IL2RG: variants seen among roughly 807,000 people sequenced by gnomAD.
The protein encoded by IL2RG is cytokine receptor common subunit gamma.
For synonymous variants in IL2RG, 111 were observed against 108.5 expected (o/e 1.02, Z -0.15); for missense variants, 205 against 272.9 (o/e 0.75, Z 1.75).
At position 71,107,631 on chromosome X, in the gene IL2RG, A is replaced by G. The variant is rs1275900140; in HGVS notation, c.*105T>C. 2 of 549,362 alleles carry G rather than the reference A, an allele frequency of 3.6e-6. No individual in the cohort carries two copies. Among genetic ancestry groups the G allele is most frequent in the Non-Finnish European group, 5.3e-6 (2 of 375,659 alleles). The allele number at this position is 549,362 out of a possible 1,213,427, so 45.3% of individuals were successfully genotyped here. On this transcript the variant is annotated 3_prime_UTR_variant, in exon 8 of 8. Transcript: ENST00000374202. ...GGGGGCACAAAATTCCAAATCAGCC[A>G]CAGTGGGGTGAGGTGAGTATGAGAC...
At chrX:71,110,765 T>C in intron 2 of IL2RG, 77 bp from the exon 3 acceptor site, 1 of 1,089,139 alleles carries the variant, frequency 9.2e-7, no homozygotes, top group Non-Finnish European at 1.3e-6. Context: ...CCTAGCCTCA[T>C]CTCCCCTCAA....
intron 2 of IL2RG, 79 bp downstream of exon 2, chrX:71,110,818 G>C (rs1009304987): frequency 1.8e-6 from 2 of 1,131,108 alleles, no homozygotes; most frequent in African/African-American, 1.8e-5. Flanking sequence ...GGGGTACCTG[G>C]GAGACTTGCT....
In IL2RG at chrX:71,111,412, C is replaced by T. The variant is rs751152396; in HGVS notation, c.115+13G>A. Reference sequence around the variant, plus strand: ...CCCTTCTCACCAGCCCCCTCCAGTCCCAGATTTCCCACCAGCTGTGGTGTC... The same window carrying T: ...CCCTTCTCACCAGCCCCCTCCAGTCTCAGATTTCCCACCAGCTGTGGTGTC... On this transcript the variant is annotated intron_variant, in intron 1 of 7. Coordinates refer to ENST00000374202, the MANE Select transcript of IL2RG (RefSeq NM_000206.3). 4.1e-6 allele frequency: 5 copies of T among 1,210,967 alleles called. No homozygotes were observed. Among genetic ancestry groups the T allele is most frequent in the Non-Finnish European group, 4.5e-6 (4 of 895,133 alleles).
chrX:71,109,115 G>T, intron 5 of IL2RG, 113 bp downstream of exon 5: 1 of 756,420 alleles, frequency 1.3e-6, no homozygotes, highest in Non-Finnish European at 2.0e-6. Context: ...AGTGTGGAGA[G>T]ATGGGGCACC....
In IL2RG at chrX:71,110,372, C is replaced by A. The variant is rs1459809183; in HGVS notation, c.455-77G>T. The A allele has an allele frequency of 3.6e-6, 4 of 1,118,265 alleles. No individual in the cohort carries two copies. In the African/African-American group the frequency reaches 7.3e-5, roughly 20 times the overall value. The allele number at this position is 1,118,265 out of a possible 1,213,427, so 92.2% of individuals were successfully genotyped here. On this transcript the variant is annotated intron_variant, in intron 3 of 7. Transcript: ENST00000374202. ...ATCCTGAAGGTAGTGCCCCTAATAC[C>A]TCCTCCCTTCCCATCATGATCCCCT...
chrX:71,107,556 C>A lies in IL2RG; in HGVS notation c.*180G>T. 1 of 335,628 alleles carries A rather than the reference C, an allele frequency of 3.0e-6. No individual in the cohort carries two copies. 27.7% of individuals were successfully genotyped at this position (335,628 alleles called of 1,213,427 possible). A position where few individuals can be genotyped will look rare whatever the true frequency, so the allele number is the denominator to read the frequency against. ...AGGGAGAAGAAAAACATGTTCGGGG[C>A]AAAAGGGTAATTCTCAAGTGGGGAA... On this transcript the variant is annotated 3_prime_UTR_variant, in exon 8 of 8. Transcript: ENST00000374202.
intron 1 of IL2RG, 170 bp from the exon 2 acceptor site, chrX:71,111,220 T>C: frequency 2.9e-6 from 2 of 690,621 alleles, no homozygotes; most frequent in Non-Finnish European, 4.3e-6. Flanking sequence ...AGTGAGACCC[T>C]GCCTCAAAAG....
At chrX:71,110,453 T>G in intron 3 of IL2RG, 51 bp downstream of exon 3, 4 of 1,150,373 alleles carry the variant, frequency 3.5e-6, no homozygotes, top group African/African-American at 1.8e-5. Flanking sequence ...CTCTGTAGAC[T>G]CCAATGTCCC....
chrX:71,107,598 G>C lies in IL2RG; in HGVS notation c.*138C>G. ...AGTGGGGAATGCCAAATGAAGGGGTGCTTACATGGGGGCACAAAATTCCAA... is the reference window on the plus strand; with the variant it reads ...AGTGGGGAATGCCAAATGAAGGGGTCCTTACATGGGGGCACAAAATTCCAA... On this transcript the variant is annotated 3_prime_UTR_variant, in exon 8 of 8. Transcript: ENST00000374202. The C allele has an allele frequency of 2.7e-6, 1 of 366,991 alleles. No individual in the cohort carries two copies. Among genetic ancestry groups the C allele is most frequent in the Admixed American group, 5.4e-5 (1 of 18,665 alleles). 30.2% of individuals were successfully genotyped at this position (366,991 alleles called of 1,213,427 possible).
At chrX:71,110,464 A>G (rs766464961) in intron 3 of IL2RG, 40 bp downstream of exon 3, 2 of 1,174,737 alleles carry the variant, frequency 1.7e-6, no homozygotes, top group Non-Finnish European at 2.3e-6. Flanking sequence ...CCAATGTCCC[A>G]CAGTATCCCT....
Position 71,107,544 on chromosome X carries a change from ACATGTTCGGGGCAAAAG to A in IL2RG, c.*175_*191del. 9.2e-6 allele frequency: 3 copies of A among 326,169 alleles called. No homozygotes were observed. In the East Asian group the frequency reaches 1.4e-4, roughly 15 times the overall value. 26.9% of individuals were successfully genotyped at this position (326,169 alleles called of 1,213,427 possible). On this transcript the variant is annotated 3_prime_UTR_variant, in exon 8 of 8. Coordinates refer to ENST00000374202, the MANE Select transcript of IL2RG (RefSeq NM_000206.3). ...AGGGCCAGACTGAGGGAGAAGAAAA[ACATGTTCGGGGCAAAAG>A]GGTAATTCTCAAGTGGGGAATGCCA...
chrX:71,110,643 A>G lies in IL2RG; in HGVS notation c.315T>C (p.Tyr105=). 1 of 1,210,002 alleles carries G rather than the reference A, an allele frequency of 8.3e-7. No individual in the cohort carries two copies. Among genetic ancestry groups the G allele is most frequent in the Non-Finnish European group, 1.1e-6 (1 of 893,949 alleles). Residue 105 remains tyrosine, a synonymous_variant, in exon 3 of 8, where the codon TAT becomes TAC. Transcript: ENST00000374202. ...CAGAAGTGATTTCTTCAGAGAATAG[A>G]TAGTGGCTGCACTTCTGGACTTTAT... The part of the protein sequence containing the change: ...DNDKVQKCSH[Y]LFSEEITSGC...
chrX:71,109,120 G>T (rs1220165468), intron 5 of IL2RG, 108 bp downstream of exon 5: 1 of 789,164 alleles, frequency 1.3e-6, no homozygotes, highest in Admixed American at 2.4e-5. Flanking sequence ...GGAGAGATGG[G>T]GCACCAAGTT....
chrX:71,107,608 G>A lies in IL2RG; in HGVS notation c.*128C>T, dbSNP rs1279034760. The A allele has an allele frequency of 9.9e-6, 4 of 403,906 alleles. No individual in the cohort carries two copies. The allele number at this position is 403,906 out of a possible 1,213,427, so 33.3% of individuals were successfully genotyped here. On this transcript the variant is annotated 3_prime_UTR_variant, in exon 8 of 8. Coordinates refer to ENST00000374202, the MANE Select transcript of IL2RG (RefSeq NM_000206.3). ...GCCAAATGAAGGGGTGCTTACATGG[G>A]GGCACAAAATTCCAAATCAGCCACA...
In IL2RG at chrX:71,108,682, C is replaced by T; in HGVS notation, c.771G>A (p.Leu257=). 1 of 1,177,788 alleles carries T rather than the reference C, an allele frequency of 8.5e-7. No individual in the cohort carries two copies. Among genetic ancestry groups the T allele is most frequent in the Non-Finnish European group, 1.1e-6 (1 of 870,760 alleles). Residue 257 remains leucine (L), a synonymous_variant, in exon 6 of 8, where the codon CTG becomes CTA. Coordinates refer to ENST00000374202, the MANE Select transcript of IL2RG (RefSeq NM_000206.3). ...AGATAACCACGGCTTCCAATGCAAA[C>T]AGGAAAGGATTCTCTATAGAAAAAA... The part of the protein sequence containing the change: ...GSNTSKENPF[L]FALEAVVISV...
intron 1 of IL2RG, 55 bp downstream of exon 1, chrX:71,111,370 G>A (rs766581310): frequency 7.6e-6 from 9 of 1,190,020 alleles, no homozygotes; most frequent in Middle Eastern, 2.7e-4. Context: ...TCTCTGTACG[G>A]CCCCTTCCCA....
rs1253893934 is a variant in IL2RG at position 71,108,675 on chromosome X, A to G, written c.778T>C (p.Leu260=). 8.4e-7 allele frequency: 1 copy of G among 1,184,541 alleles called. No individual in the cohort carries two copies. The highest frequency in any genetic ancestry group is 1.1e-6 in the Non-Finnish European group (1 of 875,965). Residue 260 remains leucine, a synonymous_variant, in exon 6 of 8, where the codon TTG becomes CTG. Coordinates refer to ENST00000374202, the MANE Select transcript of IL2RG (RefSeq NM_000206.3). ...TSKENPFLFA[L]EAVVISVGSM... Reference sequence around the variant, plus strand: ...CCAACAGAGATAACCACGGCTTCCAATGCAAACAGGAAAGGATTCTCTATA... The same window carrying G: ...CCAACAGAGATAACCACGGCTTCCAGTGCAAACAGGAAAGGATTCTCTATA...
rs760737573 is a variant in IL2RG at position 71,109,398 on chromosome X, AG to A, written c.595-9del. On this transcript the variant is annotated splice_polypyrimidine_tract_variant and intron_variant, in intron 4 of 7. Transcript: ENST00000374202. ...ATAATCCACTGATTGTTCCTTGAGG[AG>A]AAAGAGGATGAGGGAAAGTGGGTGT... The A allele has an allele frequency of 1.7e-6, 2 of 1,206,697 alleles. No individual in the cohort carries two copies. Among genetic ancestry groups the A allele is most frequent in the Non-Finnish European group, 2.2e-6 (2 of 891,036 alleles).
rs866442191 is a variant in IL2RG at position 71,107,677 on chromosome X, A to G, written c.*59T>C. On this transcript the variant is annotated 3_prime_UTR_variant, in exon 8 of 8. Transcript: ENST00000374202. ...GAGACGCAGGTGGGTTGAATGAAGG[A>G]AAGTTAGTACCACTTAGGGCTACAG... 3.2e-6 allele frequency: 3 copies of G among 951,470 alleles called. No individual in the cohort carries two copies. The highest frequency in any genetic ancestry group is 7.5e-4 in the Middle Eastern group (2 of 2,659). 78.4% of individuals were successfully genotyped at this position (951,470 alleles called of 1,213,427 possible).
Sources: allele counts gnomAD v4.1 joint callset, GRCh38; gene constraint gnomAD v4.1.1; transcripts MANE v1.5; gene names NCBI Gene and HGNC (gene_info 2026-07-23, HGNC 2026-07-21).